The following DYNC2H1 variants were observed in gnomAD, a reference collection of about 807,000 sequenced individuals.
The protein encoded by DYNC2H1 is cytoplasmic dynein 2 heavy chain 1.
In DYNC2H1, 410 loss-of-function variants were observed where a neutral mutation model predicts 570.0. The observed-to-expected ratio is 0.72, with a 90% CI of 0.66 to 0.78. The LOEUF is 0.78. Ranked by LOEUF, DYNC2H1 falls within the 30% of genes least tolerant of loss-of-function variation. The pLI, the probability that DYNC2H1 is intolerant of heterozygous loss-of-function variation, is 0.00. For synonymous variants in DYNC2H1, 1,688 were observed against 1,677.6 expected (o/e 1.01, Z -0.15); for missense variants, 4,865 against 5,046.4 (o/e 0.96, Z 1.09).
intron 83 of DYNC2H1, among the ~76,000 whole-genome samples, chr11:103,359,097 T>G (rs1940506168): frequency 6.6e-6 from 1 of 152,222 alleles, no homozygotes; most frequent in African/African-American, 2.4e-5. Flanking sequence ...GTCTACTCTG[T>G]AGTTTTGGCA....
At chr11:103,113,346 A>G (rs1858204770) in intron 1 of DYNC2H1, among the ~76,000 whole-genome samples, 191 bp from the exon 2 acceptor site, 1 of 152,200 alleles carries the variant, frequency 6.6e-6, no homozygotes, top group South Asian at 2.1e-4. Context: ...TTATGATCTA[A>G]TGTAAGTGGG....
intron 80 of DYNC2H1, among the ~76,000 whole-genome samples, chr11:103,317,671 T>C (rs553286899): frequency 1.3e-5 from 2 of 152,252 alleles, no homozygotes; most frequent in South Asian, 4.1e-4. Flanking sequence ...ATAGGTGTTC[T>C]TCCTTCGGTC....
chr11:103,432,838 C>T (rs1943940532), intron 84 of DYNC2H1, among the ~76,000 whole-genome samples: 1 of 152,112 alleles, frequency 6.6e-6, no homozygotes, highest in South Asian at 2.1e-4. Context: ...TGGTGTGTAT[C>T]AAGCACTCAC....
chr11:103,478,072 G>GCGAA (rs898311945), intron 88 of DYNC2H1, among the ~76,000 whole-genome samples: 25 of 151,880 alleles, frequency 1.6e-4, no homozygotes, highest in African/African-American at 5.1e-4. Context: ...GTTCCCCTGA[G>GCGAA]CGAAGACTGA....
chr11:103,473,722 C>T (rs1004177360), intron 88 of DYNC2H1, among the ~76,000 whole-genome samples: 1 of 152,090 alleles, frequency 6.6e-6, no homozygotes. Context: ...TCAGTGATGC[C>T]CTTCTGGCAT....
chr11:103,124,646 G>A (rs945530063), intron 11 of DYNC2H1, among the ~76,000 whole-genome samples: 3 of 151,914 alleles, frequency 2.0e-5, no homozygotes, highest in African/African-American at 7.3e-5. Flanking sequence ...GAAACAAAGG[G>A]TAGAAGAATG....
intron 85 of DYNC2H1, among the ~76,000 whole-genome samples, chr11:103,454,733 C>T (rs1565613369): frequency 6.6e-6 from 1 of 152,166 alleles, no homozygotes. Flanking sequence ...CACCTTTTAA[C>T]ACAAAATTAT....
chr11:103,388,748 T>C (rs180729384), intron 83 of DYNC2H1, among the ~76,000 whole-genome samples: 34 of 152,328 alleles, frequency 2.2e-4, no homozygotes, highest in Admixed American at 2.0e-3. Context: ...TCTGTATCTA[T>C]TGAGGTGATA....
intron 31 of DYNC2H1, among the ~76,000 whole-genome samples, chr11:103,167,331 G>C (rs1297773320): frequency 6.6e-6 from 1 of 151,678 alleles, no homozygotes; most frequent in East Asian, 1.9e-4. Context: ...GCAGTGGTGA[G>C]ACTGTGGCTC....
At chr11:103,431,469 A>G (rs1193994732) in intron 84 of DYNC2H1, among the ~76,000 whole-genome samples, 1 of 152,154 alleles carries the variant, frequency 6.6e-6, no homozygotes, top group Admixed American at 6.6e-5. Context: ...ATTTTTGAAC[A>G]TGCTATTCTC....
At chr11:103,223,751 A>AT (rs58624728) in intron 59 of DYNC2H1, among the ~76,000 whole-genome samples, 18,508 of 143,394 alleles carry the variant, frequency 0.13, 1,247 homozygotes, top group African/African-American at 0.17. Context: ...TTATTTATTG[A>AT]TTTTTTTTTT....
intron 39 of DYNC2H1, among the ~76,000 whole-genome samples, chr11:103,180,362 G>T (rs1168333776): frequency 6.6e-6 from 1 of 151,626 alleles, no homozygotes; most frequent in African/African-American, 2.4e-5. Context: ...TCACATAGAG[G>T]AGGCAAATTT....
At position 103,237,738 on chromosome 11, in the gene DYNC2H1, T is replaced by TAA. The variant is rs11404563; in HGVS notation, c.9819+1208_9819+1209dup. ...TCCAAGAAAGCAATTGATTGCAAAT[T>TAA]AAAAAAAAAAGGTTTAAGAATTCTT... is the stretch of plus-strand genomic sequence containing the variant. On this transcript the variant is annotated intron_variant, in intron 63 of 88. Transcript: ENST00000375735. Among the ~76,000 whole-genome samples, 941 of 147,984 alleles carry TAA rather than the reference T, an allele frequency of 6.4e-3. 9 individuals are homozygous for TAA. Among genetic ancestry groups the TAA allele is most frequent in the Non-Finnish European group, 0.01 (671 of 66,770 alleles).
chr11:103,396,652 A>G (rs1801658573), intron 83 of DYNC2H1, among the ~76,000 whole-genome samples: 1 of 152,202 alleles, frequency 6.6e-6, no homozygotes, highest in South Asian at 2.1e-4. Flanking sequence ...GTTTCAGTTA[A>G]AACACAAACA....
intron 26 of DYNC2H1, among the ~76,000 whole-genome samples, chr11:103,158,346 G>A (rs917350411): frequency 6.6e-6 from 1 of 152,226 alleles, no homozygotes; most frequent in Non-Finnish European, 1.5e-5. Context: ...CTACTTGGGA[G>A]GCTGAGGCAG....
intron 75 of DYNC2H1, among the ~76,000 whole-genome samples, chr11:103,302,345 G>A (rs1418172693): frequency 6.6e-6 from 1 of 152,034 alleles, no homozygotes; most frequent in African/African-American, 2.4e-5. Context: ...TTAGTATTCA[G>A]TAGGTGATGA....
rs1409387052 is a variant in DYNC2H1, at chr11:103,391,429, G to A, written c.12157-8234G>A. 2.0e-5 allele frequency among the ~76,000 whole-genome samples: 3 copies of A among 152,098 alleles called. No individual in the cohort carries two copies. In the East Asian group the frequency reaches 5.8e-4, roughly 29 times the overall value. On this transcript the variant is annotated intron_variant, in intron 83 of 88. Coordinates refer to ENST00000375735, the MANE Select transcript of DYNC2H1 (RefSeq NM_001377.3). The stretch of plus-strand genomic sequence containing the variant: ...TTTTTTCAAGGTTTTTAGCTTCTTT[G>A]CGATGGGTTCAGACTTCCTCCTTTA...
intron 60 of DYNC2H1, 61 bp downstream of exon 60, chr11:103,231,407 G>A: frequency 9.0e-7 from 1 of 1,111,656 alleles, no homozygotes; most frequent in South Asian, 1.7e-5. Flanking sequence ...TTGACATCTT[G>A]ATTTCTTTCT....
At position 103,268,001 on chromosome 11, in the gene DYNC2H1, GAT is replaced by G. The variant is rs1865574573; in HGVS notation, c.10695+8025_10695+8026del. ...CATCTACTACTCTCAGTGAATATTA[GAT>G]TATTTATACATTTTTTGTTCTTATA... On this transcript the variant is annotated intron_variant, in intron 70 of 88. Transcript: ENST00000375735. The surrounding 1 kb of genome is among the most constrained non-coding windows in gnomAD (Gnocchi z 4.6). Among the ~76,000 whole-genome samples the G allele has an allele frequency of 1.3e-5, 2 of 151,862 alleles. No homozygotes were observed. The highest frequency in any genetic ancestry group is 1.3e-4 in the Admixed American group (2 of 15,270).
Sources: gnomAD v4.1 joint callset for allele counts (sites outside exome capture counted in the v4.1 genomes callset) on GRCh38, gnomAD v4.1.1 for gene constraint, Gnocchi (gnomAD v3.1) non-coding constraint, MANE v1.5 for transcripts, NCBI Gene and HGNC (gene_info 2026-07-23, HGNC 2026-07-21) for gene names.